Variants in CMTM7 observed in about 807,000 individuals in gnomAD.
CMTM7 encodes CKLF-like MARVEL transmembrane domain-containing protein 7.
Under a neutral mutation model 19.3 loss-of-function variants are expected in CMTM7, and 7 were observed. The observed-to-expected ratio is 0.36, with a 90% CI of 0.21 to 0.68. The LOEUF (loss-of-function observed/expected upper bound fraction) is 0.68. CMTM7 is among the 30% of genes least tolerant of loss of function. CMTM7 has a pLI of 0.60. For synonymous variants in CMTM7, 87 were observed against 99.3 expected, an observed-to-expected ratio of 0.88 and a Z score of 0.74; for missense variants, 193 against 232.6, an observed-to-expected ratio of 0.83 and a Z score of 1.11.
intron 2 of CMTM7, among the ~76,000 whole-genome samples, chr3:32,443,574 G>A (rs1007681501): frequency 6.6e-6 from 1 of 152,004 alleles, no homozygotes; most frequent in African/African-American, 2.4e-5. Flanking sequence ...TTTTTCTCTG[G>A]TATGTATCTA....
intron 1 of CMTM7, among the ~76,000 whole-genome samples, chr3:32,399,195 T>C (rs1695964151): frequency 6.6e-6 from 1 of 151,678 alleles, no homozygotes; most frequent in South Asian, 2.1e-4. Context: ...TCACCATTCA[T>C]GAGGTGACTC....
intron 3 of CMTM7, chr3:32,451,932 C>T: frequency 3.9e-6 from 2 of 514,542 alleles, no homozygotes; most frequent in South Asian, 3.4e-5. Context: ...TCTAATACGG[C>T]TATGAAGCCA....
At chr3:32,415,953 A>T (rs1481944942) in intron 1 of CMTM7, among the ~76,000 whole-genome samples, 1 of 152,146 alleles carries the variant, frequency 6.6e-6, no homozygotes, top group East Asian at 1.9e-4. Context: ...TTTTGTATTT[A>T]GCTGTCATCT....
chr3:32,393,113 G>A (rs1450757744), intron 1 of CMTM7, among the ~76,000 whole-genome samples: 1 of 152,120 alleles, frequency 6.6e-6, no homozygotes, highest in Non-Finnish European at 1.5e-5. Context: ...CTGCTAAGGT[G>A]GCCTGGCCCC....
chr3:32,443,673 C>T (rs937869298), intron 2 of CMTM7, among the ~76,000 whole-genome samples: 9 of 152,192 alleles, frequency 5.9e-5, no homozygotes, highest in African/African-American at 1.9e-4. Context: ...CACTGTTTTA[C>T]ATTCCCACCA....
intron 1 of CMTM7, among the ~76,000 whole-genome samples, chr3:32,423,427 A>G (rs1176114232): frequency 2.0e-5 from 3 of 152,190 alleles, no homozygotes; most frequent in Non-Finnish European, 1.5e-5. Flanking sequence ...AATGATTCTT[A>G]TAAGCTGCTC....
chr3:32,425,305 C>T (rs9853991), intron 1 of CMTM7, among the ~76,000 whole-genome samples: 24,425 of 152,120 alleles, frequency 0.16, 2,113 homozygotes, highest in Middle Eastern at 0.21. Context: ...GCTGTAGATC[C>T]TGCCCCACTC....
rs543888085 is a variant in CMTM7, at chr3:32,444,109, A to AC, written c.333+2097dup. 2.5e-3 allele frequency among the ~76,000 whole-genome samples: 381 copies of AC among 152,300 alleles called. 1 individual carries two copies. The highest frequency in any genetic ancestry group is 8.7e-3 in the African/African-American group (362 of 41,550). On this transcript the variant is annotated intron_variant, in intron 2 of 4. Coordinates refer to ENST00000334983, the MANE Select transcript of CMTM7 (RefSeq NM_138410.4). Reference sequence around the variant, plus strand: ...TTCTTTTTTAGCTCACGCTTTTCTTACATATAAGAAGCCATTTCCAAATTC... The same window carrying AC: ...TTCTTTTTTAGCTCACGCTTTTCTTACCATATAAGAAGCCATTTCCAAATTC...
Position 32,404,142 on chromosome 3 carries a change from C to CTTTTTTTTCTTTTTTT in CMTM7, c.159+12085_159+12086insCTTTTTTTTTTTTTTT, listed in dbSNP as rs1559401304. ...CCTTTGTTTAATCTTTTCTTTCTTT[C>CTTTTTTTTCTTTTTTT]TTTTTTTTTCTTTTTTTTTCTTTTT... is the stretch of plus-strand genomic sequence containing the variant. On this transcript the variant is annotated intron_variant, in intron 1 of 4. Transcript: ENST00000334983. Among the ~76,000 whole-genome samples, 97 of 109,244 alleles carry CTTTTTTTTCTTTTTTT rather than the reference C, an allele frequency of 8.9e-4. 5 individuals are homozygous for CTTTTTTTTCTTTTTTT. The highest frequency in any genetic ancestry group is 5.0e-3 in the Middle Eastern group (1 of 200). 71.7% of individuals were successfully genotyped at this position (109,244 alleles called of 152,430 possible).
chr3:32,434,893 GA>G (rs1285280717), intron 1 of CMTM7, among the ~76,000 whole-genome samples: 1 of 152,110 alleles, frequency 6.6e-6, no homozygotes, highest in African/African-American at 2.4e-5. Flanking sequence ...ATAAACATAT[GA>G]AAAGATATCC....
At chr3:32,422,247 C>T (rs553103160) in intron 1 of CMTM7, among the ~76,000 whole-genome samples, 52 of 151,442 alleles carry the variant, frequency 3.4e-4, no homozygotes, top group African/African-American at 1.2e-3. Flanking sequence ...CTAATTTCTT[C>T]TTCCCCAGGC....
At chr3:32,427,579 C>A (rs1160672574) in intron 1 of CMTM7, among the ~76,000 whole-genome samples, 1 of 152,156 alleles carries the variant, frequency 6.6e-6, no homozygotes, top group Non-Finnish European at 1.5e-5. Context: ...GAATTCAGTT[C>A]TTTGGTCACA....
intron 1 of CMTM7, among the ~76,000 whole-genome samples, chr3:32,423,696 A>G (rs1384049413): frequency 3.3e-5 from 5 of 152,204 alleles, no homozygotes; most frequent in Non-Finnish European, 7.3e-5. Flanking sequence ...TTATCAAGCT[A>G]TTCTCAAGGT....
intron 1 of CMTM7, among the ~76,000 whole-genome samples, chr3:32,407,743 C>T (rs1266162899): frequency 1.3e-5 from 2 of 152,226 alleles, no homozygotes; most frequent in African/African-American, 2.4e-5. Flanking sequence ...TGTAGCATAA[C>T]ATGCATCCCC....
chr3:32,439,020 G>A (rs1696639435), intron 1 of CMTM7, among the ~76,000 whole-genome samples: 1 of 152,162 alleles, frequency 6.6e-6, no homozygotes, highest in Non-Finnish European at 1.5e-5. Context: ...AGTTCTTGAG[G>A]AGGTCATTGT....
intron 1 of CMTM7, among the ~76,000 whole-genome samples, chr3:32,424,188 G>C (rs1696389304): frequency 6.6e-6 from 1 of 152,190 alleles, no homozygotes; most frequent in South Asian, 2.1e-4. Flanking sequence ...TGCAGTTGAT[G>C]CTGGCTGGCG....
intron 1 of CMTM7, among the ~76,000 whole-genome samples, chr3:32,437,313 A>G (rs1696611631): frequency 6.6e-6 from 1 of 152,090 alleles, no homozygotes; most frequent in African/African-American, 2.4e-5. Flanking sequence ...ACCCCTGGAC[A>G]TGGCTGGGCA....
At chr3:32,447,042 A>G (rs12638540) in intron 2 of CMTM7, among the ~76,000 whole-genome samples, 4,919 of 152,224 alleles carry the variant, frequency 0.032, 124 homozygotes, top group Middle Eastern at 0.058. Flanking sequence ...CTCCTTTAAT[A>G]TTGGCATTTA....
intron 4 of CMTM7, among the ~76,000 whole-genome samples, chr3:32,453,707 G>A (rs1696868912): frequency 6.6e-6 from 1 of 152,144 alleles, no homozygotes; most frequent in Admixed American, 6.5e-5. Context: ...TGCTAATGAG[G>A]ATGAGGCTTC....
Sources: allele counts gnomAD v4.1 joint callset (sites outside exome capture counted in the v4.1 genomes callset), GRCh38; gene constraint gnomAD v4.1.1; transcripts MANE v1.5; gene names NCBI Gene and HGNC (gene_info 2026-07-23, HGNC 2026-07-21).